The following KIFAP3 variants were observed in gnomAD, a reference collection of about 807,000 sequenced individuals.
KIFAP3 encodes kinesin associated protein 3.
KIFAP3 carries 68 observed loss-of-function variants against 106.5 expected under a neutral mutation model. That is an observed-to-expected ratio of 0.64 (90% CI 0.53 to 0.78). The LOEUF is 0.78. KIFAP3 is among the 30% of genes least tolerant of loss of function. The probability of loss-of-function intolerance (pLI) is 0.00; values close to 1 mark genes in which losing one functional copy is unlikely to be tolerated. For missense variants in KIFAP3, 780 were observed against 941.8 expected (o/e 0.83, Z 2.25); for synonymous variants, 320 against 311.5 (o/e 1.03, Z -0.29).
rs145687619 is a variant in KIFAP3 at position 170,039,270 on chromosome 1, C to T, written c.338G>A (p.Ser113Asn). ...AAAAGGAGGTGGATCTTTAGGCTTG[C>T]TTGATTTTTCTTTTTTCTCTGTAAA... ...LSGKEKKEKS[S>N]KPKDPPPFEG... Residue 113 changes from serine (S) to asparagine (N), a missense_variant, in exon 4 of 20, where the codon AGC becomes AAC. Ser to Asn is a conservative substitution (Grantham distance 46). Coordinates refer to ENST00000361580, the MANE Select transcript of KIFAP3 (RefSeq NM_014970.4). 6 of 1,597,862 alleles carry T rather than the reference C, an allele frequency of 3.8e-6. No individual in the cohort carries two copies. The African/African-American group carries it at 5.4e-5, about 14-fold the overall frequency.
At position 169,961,108 on chromosome 1, in the gene KIFAP3, C is replaced by G; in HGVS notation, c.2111G>C (p.Arg704Pro). The G allele has an allele frequency of 1.2e-6, 2 of 1,613,508 alleles. No individual in the cohort carries two copies. Among genetic ancestry groups the G allele is most frequent in the Non-Finnish European group, 1.7e-6 (2 of 1,179,644 alleles). The change falls in exon 18 of 20, where the codon CGA (arginine) becomes CCA (proline). Residue 704 changes from arginine to proline, a missense_variant. Arg to Pro is a moderately radical substitution (Grantham distance 103, BLOSUM62 -2). Around this residue, in one of 3 missense-constraint regions of KIFAP3, gnomAD observed 114 missense variants for 122.3 expected, o/e 0.93. Coordinates refer to ENST00000361580, the MANE Select transcript of KIFAP3 (RefSeq NM_014970.4). Reference sequence around the variant, plus strand: ...TCCTTCATGAATGTATGGCTCAATTCGATCATCACCATACAAGTACTGCTC... The same window carrying G: ...TCCTTCATGAATGTATGGCTCAATTGGATCATCACCATACAAGTACTGCTC... Reference protein sequence around the residue: ...ESEQYLYGDDRIEPYIHEGDI... With the variant: ...ESEQYLYGDDPIEPYIHEGDI...
intron 3 of KIFAP3, among the ~76,000 whole-genome samples, chr1:170,044,273 G>A (rs543288733): frequency 2.6e-4 from 40 of 152,244 alleles, no homozygotes; most frequent in African/African-American, 9.1e-4. Context: ...CTATAAAACT[G>A]AAGGCACACA....
At position 170,054,131 on chromosome 1, in the gene KIFAP3, C is replaced by T. The variant is rs546579141; in HGVS notation, c.164+1174G>A. 2.6e-5 allele frequency among the ~76,000 whole-genome samples: 4 copies of T among 152,254 alleles called. No individual in the cohort carries two copies. The South Asian group carries it at 8.3e-4, about 32-fold the overall frequency. On this transcript the variant is annotated intron_variant, in intron 2 of 19. Coordinates refer to ENST00000361580, the MANE Select transcript of KIFAP3 (RefSeq NM_014970.4). ...TCTAATATCCAGAATCCACAAGGAA[C>T]TTAAACAAATTTACAAGAGAAAAAA...
At chr1:170,039,207 T>C (rs769615048) in intron 4 of KIFAP3, 26 bp downstream of exon 4, 2 of 1,417,418 alleles carry the variant, frequency 1.4e-6, no homozygotes, top group African/African-American at 1.4e-5. Flanking sequence ...CAGTCCTCTA[T>C]TAGATCAGAA....
chr1:170,014,207 GATTAT>G (rs1472793871), intron 10 of KIFAP3, among the ~76,000 whole-genome samples: 1 of 152,134 alleles, frequency 6.6e-6, no homozygotes, highest in Non-Finnish European at 1.5e-5. Context: ...GCAGATTTCT[GATTAT>G]AACCTACCGA....
chr1:170,078,010 A>G (rs1283637763), upstream of KIFAP3, among the ~76,000 whole-genome samples: 3 of 152,158 alleles, frequency 2.0e-5, no homozygotes, highest in African/African-American at 7.2e-5. Context: ...TACTAAAAAT[A>G]TTTACATACA....
chr1:170,067,686 T>C (rs957362779), intron 1 of KIFAP3: 8 of 152,224 alleles, frequency 5.3e-5, no homozygotes, highest in African/African-American at 1.9e-4. Flanking sequence ...TTCCTTTGTT[T>C]TGACTAATTT....
In KIFAP3 at chr1:170,074,589, G is replaced by C; in HGVS notation, c.-122C>G. 6.4e-7 allele frequency: 1 copy of C among 1,557,768 alleles called. No homozygotes were observed. ...GCGATGACAGTCCTGAGGCCTGCAAGGCGGGGCAGCAGCGGCGCTGTGGTT... is the reference window on the plus strand; with the variant it reads ...GCGATGACAGTCCTGAGGCCTGCAACGCGGGGCAGCAGCGGCGCTGTGGTT... On this transcript the variant is annotated 5_prime_UTR_variant, in exon 1 of 20. Coordinates refer to ENST00000361580, the MANE Select transcript of KIFAP3 (RefSeq NM_014970.4).
At chr1:169,962,095 T>C (rs1238402449) in intron 17 of KIFAP3, among the ~76,000 whole-genome samples, 2 of 152,182 alleles carry the variant, frequency 1.3e-5, no homozygotes, top group Non-Finnish European at 2.9e-5. Context: ...TGTTAAAGTA[T>C]TGTTTTAGCT....
intron 1 of KIFAP3, among the ~76,000 whole-genome samples, chr1:170,056,905 T>C (rs1377953762): frequency 2.0e-5 from 3 of 151,886 alleles, no homozygotes; most frequent in Non-Finnish European, 1.5e-5. Flanking sequence ...AATCGAGGAA[T>C]TAGGAAATGA....
intron 17 of KIFAP3, among the ~76,000 whole-genome samples, chr1:169,965,967 A>C (rs1294899972): frequency 6.6e-6 from 1 of 151,770 alleles, no homozygotes; most frequent in Non-Finnish European, 1.5e-5. Flanking sequence ...TTCCTTTAAA[A>C]TTTTCACCTT....
At chr1:169,989,244 T>G (rs1666984545) in intron 11 of KIFAP3, among the ~76,000 whole-genome samples, 1 of 152,040 alleles carries the variant, frequency 6.6e-6, no homozygotes, top group Non-Finnish European at 1.5e-5. Context: ...ATTTTATATT[T>G]GAGATTATAC....
intron 14 of KIFAP3, 95 bp downstream of exon 14, chr1:169,982,607 A>T (rs638486): frequency 1.2e-6 from 1 of 811,718 alleles, no homozygotes; most frequent in Non-Finnish European, 1.8e-6. Flanking sequence ...TTTTCCTAAC[A>T]TAATAATAGT....
Position 169,982,736 on chromosome 1 carries a change from C to T in KIFAP3, c.1638G>A (p.Lys546=), listed in dbSNP as rs1666593967. The T allele has an allele frequency of 6.2e-7, 1 of 1,609,382 alleles. No homozygotes were observed. The highest frequency in any genetic ancestry group is 1.3e-5 in the African/African-American group (1 of 74,660). Residue 546 remains lysine, a synonymous_variant, in exon 14 of 20, where the codon AAG becomes AAA. Transcript: ENST00000361580. The stretch of plus-strand genomic sequence containing the variant: ...GTTTATCCTTGAGGTATGGAACCAA[C>T]TTATATTCTTTAAGAACCAATTCCC... ...LDWELVLKEY[K]LVPYLKDKLK...
intron 16 of KIFAP3, among the ~76,000 whole-genome samples, chr1:169,974,777 C>T (rs1333629973): frequency 2.5e-4 from 38 of 151,652 alleles, no homozygotes; most frequent in Non-Finnish European, 2.9e-5. Context: ...ATTCTATATA[C>T]TTCACATGGT....
intron 19 of KIFAP3, among the ~76,000 whole-genome samples, chr1:169,952,702 T>C (rs1558190836): frequency 6.6e-6 from 1 of 152,090 alleles, no homozygotes; most frequent in Non-Finnish European, 1.5e-5. Flanking sequence ...ATTGGTTAGT[T>C]AACCTTGAAT....
At chr1:169,929,111 G>C (rs886678460) in intron 19 of KIFAP3, among the ~76,000 whole-genome samples, 7 of 152,136 alleles carry the variant, frequency 4.6e-5, no homozygotes, top group African/African-American at 1.4e-4. Context: ...TGGAGAGCTT[G>C]TCTTACCACT....
chr1:169,981,836 T>A, intron 15 of KIFAP3, 136 bp downstream of exon 15: 1 of 669,130 alleles, frequency 1.5e-6, no homozygotes, highest in Non-Finnish European at 2.5e-6. Context: ...TAATTCATTT[T>A]TCTTGATTAT....
intron 3 of KIFAP3, chr1:170,041,674 G>C (rs1419252233): frequency 1.3e-6 from 2 of 1,533,762 alleles, no homozygotes; most frequent in African/African-American, 2.7e-5. Context: ...AGGCATTACC[G>C]ACCTTCACAT....
Sources: gnomAD v4.1 joint callset for allele counts (sites outside exome capture counted in the v4.1 genomes callset) on GRCh38, gnomAD v4.1.1 for gene constraint, gnomAD v4.1.1 regional missense constraint, MANE v1.5 for transcripts, NCBI Gene and HGNC (gene_info 2026-07-23, HGNC 2026-07-21) for gene names.